TXLNB: variants seen among roughly 807,000 people sequenced by gnomAD.
TXLNB encodes the protein taxilin beta.
Under a neutral mutation model 57.4 loss-of-function variants are expected in TXLNB, and 37 were observed. That is an observed-to-expected ratio of 0.64 (90% CI 0.50 to 0.85). The LOEUF is 0.85. Ranked by LOEUF, TXLNB falls within the 40% of genes least tolerant of loss-of-function variation. The probability of loss-of-function intolerance (pLI) is 0.00; values close to 1 mark genes in which losing one functional copy is unlikely to be tolerated. For missense variants in TXLNB, 848 were observed against 825.6 expected (o/e 1.03, Z -0.33); for synonymous variants, 302 against 309.6 (o/e 0.98, Z 0.26).
intron 3 of TXLNB, among the ~76,000 whole-genome samples, chr6:139,271,066 C>T (rs10872510): frequency 0.085 from 12,854 of 151,988 alleles, 612 homozygotes; most frequent in Middle Eastern, 0.11. Flanking sequence ...AAGCTTCTAG[C>T]GCTATTTTTA....
chr6:139,258,070 AC>A lies in TXLNB; in HGVS notation c.1002+2247del, dbSNP rs538719447. ...CTATGCAGCTTTGTTGTGATTGGTG[AC>A]CCCCAACCTCGAGGGAGGCTGGTGG... On this transcript the variant is annotated intron_variant, in intron 6 of 9. Transcript: ENST00000358430. Among the ~76,000 whole-genome samples, 208 of 151,816 alleles carry A rather than the reference AC, an allele frequency of 1.4e-3. 2 individuals are homozygous for A. In the East Asian group the frequency reaches 0.016, roughly 12 times the overall value.
intron 2 of TXLNB, among the ~76,000 whole-genome samples, chr6:139,281,054 A>AT (rs556935768): frequency 2.6e-5 from 4 of 151,816 alleles, no homozygotes; most frequent in Non-Finnish European, 5.9e-5. Flanking sequence ...TTATTTATTT[A>AT]TTTTTTTATT....
chr6:139,311,915 T>C, the TXLNB span, among the ~76,000 whole-genome samples: 1 of 152,104 alleles, frequency 6.6e-6, no homozygotes, highest in African/African-American at 2.4e-5. Context: ...TTGCAAATGG[T>C]GTATTACATG....
chr6:139,262,628 A>G lies in TXLNB; in HGVS notation c.833T>C (p.Leu278Pro). The change falls in exon 5 of 10, where the codon CTT (leucine) becomes CCT (proline). Residue 278 changes from leucine (L) to proline (P), a missense_variant. Physicochemically the swap from Leu to Pro is moderately conservative, Grantham distance 98. Transcript: ENST00000358430. Reference sequence around the variant, plus strand: ...GATGATGCTTTTCAGCTTTTCTGCAAGCTCTGTGTTCTCCTGACAGAGCTT... The same window carrying G: ...GATGATGCTTTTCAGCTTTTCTGCAGGCTCTGTGTTCTCCTGACAGAGCTT... ...NMKLCQENTELAEKLKSIIDQ... is the reference protein window; with the variant it reads ...NMKLCQENTEPAEKLKSIIDQ... 6.2e-7 allele frequency: 1 copy of G among 1,614,104 alleles called. No individual in the cohort carries two copies.
chr6:139,242,898 A>T lies in TXLNB; in HGVS notation c.1683T>A (p.Pro561=). Residue 561 remains proline (P), a synonymous_variant, in exon 10 of 10, where the codon CCT becomes CCA. Transcript: ENST00000358430. ...CACTGCCTCCTTCGGCTTCAGCCTGAGGAGTTAGGGGAGGCAGGGGACTCT... is the reference window on the plus strand; with the variant it reads ...CACTGCCTCCTTCGGCTTCAGCCTGTGGAGTTAGGGGAGGCAGGGGACTCT... ...DSESPLPPLT[P]QAEAEGGSDA... is the part of the protein sequence containing the mutation. 1 of 1,613,960 alleles carries T rather than the reference A, an allele frequency of 6.2e-7. No homozygotes were observed. Among genetic ancestry groups the T allele is most frequent in the East Asian group, 2.2e-5 (1 of 44,850 alleles).
chr6:139,257,605 A>G (rs1776377722), intron 6 of TXLNB, among the ~76,000 whole-genome samples: 1 of 152,152 alleles, frequency 6.6e-6, no homozygotes, highest in Non-Finnish European at 1.5e-5. Flanking sequence ...TTTTACAGAG[A>G]AAACAGTGAA....
At chr6:139,236,306 T>G (rs903693182), downstream of TXLNB, among the ~76,000 whole-genome samples, 1 of 151,982 alleles carries the variant, frequency 6.6e-6, no homozygotes, top group Non-Finnish European at 1.5e-5. Flanking sequence ...CTGTAAACAC[T>G]CAACCCTAGA....
chr6:139,284,718 TG>T (rs1457064413), intron 2 of TXLNB, among the ~76,000 whole-genome samples: 3 of 145,292 alleles, frequency 2.1e-5, no homozygotes, highest in Admixed American at 2.0e-4. Context: ...TATCTGTGTG[TG>T]GGGGCTCAGG....
At chr6:139,276,972 G>A in intron 2 of TXLNB, 51 bp from the exon 3 acceptor site, 1 of 1,402,810 alleles carries the variant, frequency 7.1e-7, no homozygotes. Context: ...ACAGTCAGGT[G>A]ATAAGGGCTG....
chr6:139,189,287 AG>A, the TXLNB span, among the ~76,000 whole-genome samples: 51 of 152,344 alleles, frequency 3.3e-4, no homozygotes, highest in African/African-American at 1.2e-3. Context: ...GATTTGCATT[AG>A]TTGAAAGTTC....
the TXLNB span, among the ~76,000 whole-genome samples, chr6:139,205,241 C>T: frequency 1.6e-3 from 238 of 152,324 alleles, 1 homozygote; most frequent in African/African-American, 5.4e-3. Context: ...AATTCTCTTG[C>T]CTCAGACTCC....
At chr6:139,294,507 AG>A (rs141688041), upstream of TXLNB, among the ~76,000 whole-genome samples, 1,896 of 152,200 alleles carry the variant, frequency 0.012, 49 homozygotes, top group African/African-American at 0.043. Flanking sequence ...GGAAGTGATT[AG>A]ATTATGAGGG....
At chr6:139,168,553 C>G in the TXLNB span, among the ~76,000 whole-genome samples, 1 of 151,716 alleles carries the variant, frequency 6.6e-6, no homozygotes, top group African/African-American at 2.4e-5. Context: ...CTGAAAATGC[C>G]CCTCGTGGAG....
chr6:139,292,475 T>C (rs750608174), upstream of TXLNB, among the ~76,000 whole-genome samples: 33 of 152,156 alleles, frequency 2.2e-4, no homozygotes, highest in Non-Finnish European at 4.9e-4. The surrounding 1 kb of genome is among the most constrained non-coding windows in gnomAD (Gnocchi z 4.0). Flanking sequence ...ACAGGAATCA[T>C]GGAAAAAGAA....
chr6:139,164,805 G>A, the TXLNB span, among the ~76,000 whole-genome samples: 2 of 55,408 alleles, frequency 3.6e-5, no homozygotes, highest in South Asian at 6.3e-4. Context: ...GCCCCCCACC[G>A]CTCATACAAC....
chr6:139,185,569 T>C, the TXLNB span, among the ~76,000 whole-genome samples: 108,328 of 151,834 alleles, frequency 0.71, 39,930 homozygotes, highest in African/African-American at 0.86. Context: ...GACGTGGTGG[T>C]GGGCACCTGT....
upstream of TXLNB, among the ~76,000 whole-genome samples, chr6:139,294,712 C>T (rs1272780027): frequency 2.6e-5 from 4 of 152,050 alleles, no homozygotes; most frequent in African/African-American, 4.8e-5. Flanking sequence ...ATTGTTGGCC[C>T]GGCACGCTGG....
At chr6:139,223,043 G>A in the TXLNB span, among the ~76,000 whole-genome samples, 2,904 of 152,224 alleles carry the variant, frequency 0.019, 64 homozygotes, top group East Asian at 0.11. Flanking sequence ...AACTGCAGGC[G>A]GAACATTTAC....
chr6:139,243,492 C>CTTT (rs1161954954), intron 9 of TXLNB, among the ~76,000 whole-genome samples, 178 bp from the exon 10 acceptor site: 14 of 128,060 alleles, frequency 1.1e-4, no homozygotes, highest in African/African-American at 2.9e-4. Context: ...CATCACTTTC[C>CTTT]TTTTTTTTTT....
Sources: gnomAD v4.1 joint callset for allele counts (sites outside exome capture counted in the v4.1 genomes callset) on GRCh38, gnomAD v4.1.1 for gene constraint, Gnocchi (gnomAD v3.1) non-coding constraint, MANE v1.5 for transcripts, NCBI Gene and HGNC (gene_info 2026-07-23, HGNC 2026-07-21) for gene names.